ANKRD12: variants seen among roughly 807,000 people sequenced by gnomAD.
ANKRD12 encodes the protein ankyrin repeat domain-containing protein 12.
A neutral mutation model predicts 183.4 loss-of-function variants in ANKRD12; 85 were observed. The ratio of observed to expected loss-of-function variants is 0.46; its 90% CI spans 0.39 to 0.56. The LOEUF (loss-of-function observed/expected upper bound fraction) is 0.56, where lower values mean the gene tolerates loss of function less well. Ranked by LOEUF, ANKRD12 falls within the 20% of genes least tolerant of loss-of-function variation. The probability of loss-of-function intolerance (pLI) is 0.00; values close to 1 mark genes in which losing one functional copy is unlikely to be tolerated. For synonymous variants in ANKRD12, 914 were observed against 800.2 expected (o/e 1.14, Z -2.40); for missense variants, 2,405 against 2,357.1 (o/e 1.02, Z -0.42).
Position 9,281,170 on chromosome 18 carries a change from C to T in ANKRD12, c.*44C>T. On this transcript the variant is annotated 3_prime_UTR_variant, in exon 13 of 13. Coordinates refer to ENST00000262126, the MANE Select transcript of ANKRD12 (RefSeq NM_015208.5). ...GGTATTGTCCTAAACTGGTGATGCT[C>T]AAGCATTATACTGTGGAATACTGCC... 6.5e-7 allele frequency: 1 copy of T among 1,531,456 alleles called. No individual in the cohort carries two copies. Among genetic ancestry groups the T allele is most frequent in the Non-Finnish European group, 8.9e-7 (1 of 1,119,296 alleles). The allele number at this position is 1,531,456 out of a possible 1,614,324, so 94.9% of individuals were successfully genotyped here.
At chr18:9,242,335 G>A (rs575282502) in intron 8 of ANKRD12, among the ~76,000 whole-genome samples, 1 of 152,188 alleles carries the variant, frequency 6.6e-6, no homozygotes, top group East Asian at 1.9e-4. Context: ...GCAACTTAAA[G>A]TGAGTCTGTC....
intron 8 of ANKRD12, among the ~76,000 whole-genome samples, chr18:9,246,716 A>G (rs1407095480): frequency 1.3e-5 from 2 of 152,220 alleles, no homozygotes; most frequent in East Asian, 1.9e-4. Context: ...GTTATTTATA[A>G]GTTTTTAATT....
intron 10 of ANKRD12, among the ~76,000 whole-genome samples, chr18:9,269,652 A>G (rs2039490800): frequency 6.6e-6 from 1 of 152,234 alleles, no homozygotes. Context: ...TGTTAGACCT[A>G]AAACCATAAA....
intron 8 of ANKRD12, among the ~76,000 whole-genome samples, chr18:9,230,235 TA>T (rs2036964152): frequency 6.6e-6 from 1 of 152,204 alleles, no homozygotes; most frequent in African/African-American, 2.4e-5. Context: ...TCCAGGACTG[TA>T]TCCATTCCCT....
intron 8 of ANKRD12, among the ~76,000 whole-genome samples, chr18:9,229,103 C>T (rs1211348857): frequency 6.6e-6 from 1 of 152,042 alleles, no homozygotes; most frequent in African/African-American, 2.4e-5. Flanking sequence ...GTGGCTTTAT[C>T]AAAGATCATT....
chr18:9,227,761 G>A (rs1250122249), intron 8 of ANKRD12, among the ~76,000 whole-genome samples: 1 of 152,152 alleles, frequency 6.6e-6, no homozygotes, highest in Non-Finnish European at 1.5e-5. Flanking sequence ...TCAAGTGAGG[G>A]TAATTGGGGT....
chr18:9,150,885 C>T (rs2143567085), intron 1 of ANKRD12, among the ~76,000 whole-genome samples: 1 of 152,192 alleles, frequency 6.6e-6, no homozygotes, highest in Admixed American at 6.5e-5. Context: ...GATCTCTTGA[C>T]CTCGTGATCC....
At chr18:9,170,025 A>G (rs889511837) in intron 1 of ANKRD12, among the ~76,000 whole-genome samples, 1 of 152,242 alleles carries the variant, frequency 6.6e-6, no homozygotes, top group Non-Finnish European at 1.5e-5. Flanking sequence ...TTCTTTAAGA[A>G]TGTTGAATAT....
At chr18:9,228,373 T>C (rs2036844833) in intron 8 of ANKRD12, among the ~76,000 whole-genome samples, 1 of 152,192 alleles carries the variant, frequency 6.6e-6, no homozygotes. Flanking sequence ...GTATTCTATT[T>C]TTAATTTTCT....
intron 2 of ANKRD12, among the ~76,000 whole-genome samples, chr18:9,186,163 C>CG (rs1462338222): frequency 7.7e-6 from 1 of 130,470 alleles, no homozygotes; most frequent in Non-Finnish European, 1.6e-5. Context: ...TTTTTTGAGA[C>CG]GGAGTCTCGC....
intron 8 of ANKRD12, among the ~76,000 whole-genome samples, chr18:9,224,739 A>G (rs570434160): frequency 1.9e-3 from 288 of 152,344 alleles, no homozygotes; most frequent in Non-Finnish European, 3.4e-3. Context: ...AGCTGTTAAC[A>G]TATTAGTGCT....
At chr18:9,175,523 CTTTTTTTTT>C (rs33944736) in intron 1 of ANKRD12, among the ~76,000 whole-genome samples, 70 of 53,318 alleles carry the variant, frequency 1.3e-3, no homozygotes, top group East Asian at 0.013. Flanking sequence ...AAAGGCTCCT[CTTTTTTTTT>C]TTTTTTTTTT....
At chr18:9,222,903 T>C (rs113124566) in intron 8 of ANKRD12, among the ~76,000 whole-genome samples, 1 of 152,188 alleles carries the variant, frequency 6.6e-6, no homozygotes, top group African/African-American at 2.4e-5. Context: ...TAAGAGATGC[T>C]GCCAAATTAT....
At chr18:9,137,747 A>G (rs1421742468) in intron 1 of ANKRD12, 4 of 152,354 alleles carry the variant, frequency 2.6e-5, no homozygotes, top group African/African-American at 7.2e-5. Flanking sequence ...TCGTTTTTCA[A>G]GTACCCACTT....
chr18:9,232,785 G>T (rs2037125110), intron 8 of ANKRD12, among the ~76,000 whole-genome samples: 1 of 152,002 alleles, frequency 6.6e-6, no homozygotes, highest in South Asian at 2.1e-4. Context: ...ATATCACAAA[G>T]ACTTTGTTCA....
At position 9,199,512 on chromosome 18, in the gene ANKRD12, T is replaced by C. The variant is rs1248378726; in HGVS notation, c.235+3814T>C. On this transcript the variant is annotated intron_variant, in intron 3 of 12. Transcript: ENST00000262126. ...AACAAAATATAAATGTTATAAACCT[T>C]GACGTAAGGAAATAACAGAAAAAAG... Among the ~76,000 whole-genome samples, 5 of 152,110 alleles carry C rather than the reference T, an allele frequency of 3.3e-5. No individual in the cohort carries two copies. In the East Asian group the frequency reaches 5.8e-4, roughly 18 times the overall value.
intron 1 of ANKRD12, among the ~76,000 whole-genome samples, chr18:9,172,798 C>G (rs2032869232): frequency 1.3e-5 from 2 of 152,154 alleles, no homozygotes; most frequent in South Asian, 2.1e-4. Flanking sequence ...AAGAGGCACT[C>G]TGGCTTTTTG....
chr18:9,203,411 G>GTT (rs1245948165), intron 3 of ANKRD12, among the ~76,000 whole-genome samples: 1 of 152,030 alleles, frequency 6.6e-6, no homozygotes, highest in Non-Finnish European at 1.5e-5. Context: ...CTGGAAAAAA[G>GTT]TTTGACAGTT....
At chr18:9,145,641 T>C (rs557201897) in intron 1 of ANKRD12, among the ~76,000 whole-genome samples, 58 of 152,282 alleles carry the variant, frequency 3.8e-4, no homozygotes, top group African/African-American at 1.4e-3. Context: ...TCAGTGCCAG[T>C]GGCAAGAGGG....
Sources: allele counts gnomAD v4.1 joint callset (sites outside exome capture counted in the v4.1 genomes callset), GRCh38; gene constraint gnomAD v4.1.1; transcripts MANE v1.5; gene names NCBI Gene and HGNC (gene_info 2026-07-23, HGNC 2026-07-21).